NUB1: variants seen among roughly 807,000 people sequenced by gnomAD.
NUB1 encodes NEDD8 ultimate buster 1.
Under a neutral mutation model 77.1 loss-of-function variants are expected in NUB1, and 41 were observed. The ratio of observed to expected loss-of-function variants is 0.53; its 90% CI spans 0.41 to 0.69. NUB1 has a LOEUF of 0.69. Among genes scored for constraint, NUB1 ranks in the 30% least tolerant of loss-of-function variants. The pLI is 0.00. For missense variants in NUB1, 643 were observed against 743.8 expected (o/e 0.86, Z 1.58); for synonymous variants, 257 against 281.0 (o/e 0.91, Z 0.85).
chr7:151,370,828 A>T (rs909374998), intron 11 of NUB1, among the ~76,000 whole-genome samples: 3 of 152,136 alleles, frequency 2.0e-5, no homozygotes, highest in Admixed American at 6.5e-5. Flanking sequence ...TTTACTGAGA[A>T]TGAAGTAAGA....
chr7:151,342,901 C>G (rs889320845), intron 1 of NUB1, among the ~76,000 whole-genome samples: 7 of 152,112 alleles, frequency 4.6e-5, no homozygotes, highest in Admixed American at 1.3e-4. Context: ...TCTTGAACTC[C>G]TGACCTCAGG....
At chr7:151,361,978 A>G (rs1797399667) in intron 8 of NUB1, among the ~76,000 whole-genome samples, 1 of 148,440 alleles carries the variant, frequency 6.7e-6, no homozygotes, top group South Asian at 2.1e-4. Context: ...AGTCATAAAA[A>G]TAAAAATTAG....
chr7:151,376,853 T>A (rs756432557), intron 14 of NUB1, 42 bp downstream of exon 14: 183 of 1,536,278 alleles, frequency 1.2e-4, no homozygotes, highest in South Asian at 9.2e-4. Context: ...GAGCAAAGTG[T>A]CTTCAGAAGC....
intron 8 of NUB1, among the ~76,000 whole-genome samples, chr7:151,365,426 C>T (rs1269746846): frequency 6.6e-6 from 1 of 151,992 alleles, no homozygotes; most frequent in Non-Finnish European, 1.5e-5. Flanking sequence ...TCTGCCCACG[C>T]TCTTGATGCT....
chr7:151,349,849 C>T (rs1796701087), intron 3 of NUB1, among the ~76,000 whole-genome samples: 1 of 152,216 alleles, frequency 6.6e-6, no homozygotes, highest in Non-Finnish European at 1.5e-5. Flanking sequence ...AATAAACACA[C>T]AAGACAAAGA....
chr7:151,347,651 G>A lies in NUB1; in HGVS notation c.118-1422G>A, dbSNP rs372884538. ...ATATTTTTAGTTTTTGTAGAGACGG[G>A]GTTTCACTTTGTTGCCCAGGTTGGT... On this transcript the variant is annotated intron_variant, in intron 2 of 14. Coordinates refer to ENST00000568733, the MANE Select transcript of NUB1 (RefSeq NM_001243351.2). Among the ~76,000 whole-genome samples the A allele has an allele frequency of 1.6e-4, 25 of 152,192 alleles. 1 individual carries two copies. The South Asian group carries it at 4.6e-3, about 28-fold the overall frequency.
chr7:151,366,049 T>C (rs1797664963), intron 8 of NUB1, among the ~76,000 whole-genome samples: 1 of 152,210 alleles, frequency 6.6e-6, no homozygotes, highest in Non-Finnish European at 1.5e-5. Flanking sequence ...GTTCCAAATG[T>C]TCTTATTGAA....
rs1451002692 is a variant in NUB1, at chr7:151,364,992, A to AT, written c.801-1935dup. ...CTAAATGAAATTTTTTATTTTTATA[A>AT]TTTTTTTTTTTTCTTTAGAGACAGA... On this transcript the variant is annotated intron_variant, in intron 8 of 14. Coordinates refer to ENST00000568733, the MANE Select transcript of NUB1 (RefSeq NM_001243351.2). 9.5e-3 allele frequency among the ~76,000 whole-genome samples: 1,383 copies of AT among 146,034 alleles called. 30 individuals are homozygous for AT. The highest frequency in any genetic ancestry group is 0.032 in the African/African-American group (1,274 of 39,318).
chr7:151,369,449 T>C (rs1330637986), intron 11 of NUB1, among the ~76,000 whole-genome samples: 1 of 152,226 alleles, frequency 6.6e-6, no homozygotes, highest in Non-Finnish European at 1.5e-5. Flanking sequence ...AAAAACAAAA[T>C]TGTTTTTTCA....
At chr7:151,342,018 G>A (rs1015055102) in intron 1 of NUB1, 172 bp downstream of exon 1, 5 of 1,229,442 alleles carry the variant, frequency 4.1e-6, no homozygotes, top group African/African-American at 1.6e-5. Context: ...GCCGGGAGCG[G>A]TGGGCCGGGC....
In NUB1 at chr7:151,366,924, T is replaced by A; in HGVS notation, c.801-15T>A. On this transcript the variant is annotated splice_polypyrimidine_tract_variant and intron_variant, in intron 8 of 14. Transcript: ENST00000568733. ...ATGCTGCTTGGCAGTGATGTCACTG[T>A]CCTTCTCTTTCCAGTGAGTGTTGCA... The A allele has an allele frequency of 1.3e-6, 2 of 1,572,766 alleles. No homozygotes were observed. The highest frequency in any genetic ancestry group is 1.7e-6 in the Non-Finnish European group (2 of 1,157,528).
intron 13 of NUB1, chr7:151,376,319 T>C: frequency 2.1e-6 from 1 of 483,352 alleles, no homozygotes; most frequent in Non-Finnish European, 3.7e-6. Context: ...CCTACACGCG[T>C]TAGCACGCCT....
intron 5 of NUB1, among the ~76,000 whole-genome samples, chr7:151,355,250 A>G (rs1221026581): frequency 1.3e-5 from 2 of 152,226 alleles, no homozygotes; most frequent in East Asian, 3.8e-4. Flanking sequence ...AATAAAGAAG[A>G]TTAGAAAAGA....
In NUB1 at chr7:151,349,119, A is replaced by C. The variant is rs746811662; in HGVS notation, c.164A>C (p.Glu55Ala). 1.7e-5 allele frequency: 27 copies of C among 1,613,654 alleles called. No homozygotes were observed. Among genetic ancestry groups the C allele is most frequent in the Non-Finnish European group, 2.3e-5 (27 of 1,179,782 alleles). ...GACAGACTAGAATGCTGTGAAAATG[A>C]AGTAGAAAAGGTAATAGAAGAAATA... is the stretch of plus-strand genomic sequence containing the variant. ...YSDRLECCEN[E>A]VEKVIEEIRC... The change falls in exon 3 of 15, where the codon GAA (glutamate) becomes GCA (alanine). Residue 55 changes from glutamate to alanine, a missense_variant. By Grantham distance (107) the Glu-to-Ala change is moderately radical. Transcript: ENST00000568733.
intron 7 of NUB1, among the ~76,000 whole-genome samples, chr7:151,359,059 T>C (rs553282597): frequency 6.6e-6 from 1 of 150,426 alleles, no homozygotes; most frequent in Admixed American, 6.6e-5. Flanking sequence ...AGCGAGACTC[T>C]GTCTCAAAAA....
chr7:151,374,470 G>A (rs1295460390), intron 12 of NUB1: 5 of 617,820 alleles, frequency 8.1e-6, no homozygotes, highest in Non-Finnish European at 1.4e-5. Context: ...AAAACGTGGT[G>A]CCTGTCCACA....
At chr7:151,345,239 C>A in intron 1 of NUB1, 109 bp from the exon 2 acceptor site, 1 of 644,442 alleles carries the variant, frequency 1.6e-6, no homozygotes, top group Non-Finnish European at 2.7e-6. Context: ...TATTTAATGA[C>A]AGAGGAAGGG....
At chr7:151,365,313 TC>T (rs1797614768) in intron 8 of NUB1, among the ~76,000 whole-genome samples, 2 of 106,134 alleles carry the variant, frequency 1.9e-5, no homozygotes. Flanking sequence ...GGTTTTCTTC[TC>T]TCTCTTTTTT....
intron 4 of NUB1, 91 bp downstream of exon 4, chr7:151,351,573 A>G (rs1175007766): frequency 3.5e-6 from 3 of 868,256 alleles, no homozygotes; most frequent in Non-Finnish European, 5.4e-6. Context: ...TAAGATAGGT[A>G]GGGCAGGTAT....
Sources: allele counts gnomAD v4.1 joint callset (sites outside exome capture counted in the v4.1 genomes callset), GRCh38; gene constraint gnomAD v4.1.1; transcripts MANE v1.5; gene names NCBI Gene and HGNC (gene_info 2026-07-23, HGNC 2026-07-21).